Variants in VPS13D observed in about 807,000 individuals in gnomAD.
The protein encoded by VPS13D is vacuolar protein sorting 13 homolog D.
In VPS13D, 187 loss-of-function variants were observed where a neutral mutation model predicts 461.9. The observed-to-expected ratio is 0.40, with a 90% CI of 0.36 to 0.46. The LOEUF is 0.46. Among genes scored for constraint, VPS13D ranks in the 20% least tolerant of loss-of-function variants. The pLI, the probability that VPS13D is intolerant of heterozygous loss-of-function variation, is 0.60. For synonymous variants in VPS13D, 1,951 were observed against 1,986.3 expected (o/e 0.98, Z 0.47); for missense variants, 4,711 against 5,364.9 (o/e 0.88, Z 3.81).
chr1:12,377,845 T>G (rs1325429899), intron 55 of VPS13D, among the ~76,000 whole-genome samples: 3 of 148,262 alleles, frequency 2.0e-5, no homozygotes, highest in Non-Finnish European at 4.5e-5. Flanking sequence ...AAAAAAAGAA[T>G]TACTAGCAAT....
intron 32 of VPS13D, 26 bp from the exon 33 acceptor site, chr1:12,321,783 T>C (rs1431101153): frequency 1.3e-6 from 2 of 1,583,994 alleles, no homozygotes; most frequent in Admixed American, 1.9e-5. Context: ...ACATTAATTC[T>C]CGCCATATTG....
chr1:12,425,123 G>T (rs1644908106), intron 65 of VPS13D, among the ~76,000 whole-genome samples: 1 of 152,028 alleles, frequency 6.6e-6, no homozygotes, highest in African/African-American at 2.4e-5. Flanking sequence ...TGTTTGGAAG[G>T]TTCTTTCTAA....
chr1:12,471,380 T>C (rs1645560634), intron 67 of VPS13D, among the ~76,000 whole-genome samples: 1 of 152,222 alleles, frequency 6.6e-6, no homozygotes, highest in African/African-American at 2.4e-5. Context: ...ATCTTTCAAA[T>C]TAGATTTTAT....
rs1408987203 is a variant in VPS13D at position 12,495,837 on chromosome 1, T to G, written c.12663-1663T>G. Among the ~76,000 whole-genome samples the G allele has an allele frequency of 6.6e-6, 1 of 152,188 alleles. No homozygotes were observed. Among genetic ancestry groups the G allele is most frequent in the Non-Finnish European group, 1.5e-5 (1 of 68,032 alleles). ...TAGCCTGTGTAGGCAGTTATTGGAA[T>G]GACAGCAAGTGCTTTGCTAGGCAAG... On this transcript the variant is annotated intron_variant, in intron 67 of 69. Coordinates refer to ENST00000620676, the MANE Select transcript of VPS13D (RefSeq NM_015378.4). This position sits in a 1 kb window ranked among gnomAD's most constrained non-coding sequence, Gnocchi z 4.0.
intron 65 of VPS13D, among the ~76,000 whole-genome samples, chr1:12,444,409 A>G (rs1645168150): frequency 6.6e-6 from 1 of 152,144 alleles, no homozygotes; most frequent in Non-Finnish European, 1.5e-5. Flanking sequence ...TTTGCAGTGA[A>G]GTCTTTGGAC....
intron 64 of VPS13D, among the ~76,000 whole-genome samples, chr1:12,415,513 A>G (rs1003042787): frequency 1.2e-4 from 19 of 152,136 alleles, no homozygotes; most frequent in African/African-American, 4.3e-4. Context: ...TAATAACAAA[A>G]TAATGTTTTT....
chr1:12,259,157 T>C (rs1161718785), intron 10 of VPS13D, among the ~76,000 whole-genome samples: 1 of 151,550 alleles, frequency 6.6e-6, no homozygotes, highest in Non-Finnish European at 1.5e-5. Flanking sequence ...TTCTCCCAAC[T>C]CAGCCTTCCA....
chr1:12,317,183 AAAG>A (rs770516820), intron 30 of VPS13D, among the ~76,000 whole-genome samples: 38 of 152,198 alleles, frequency 2.5e-4, no homozygotes, highest in Non-Finnish European at 4.8e-4. Context: ...CCTAGACGTC[AAAG>A]AAGGAGTGCC....
intron 2 of VPS13D, among the ~76,000 whole-genome samples, chr1:12,240,834 G>A (rs1640329840): frequency 1.2e-5 from 1 of 84,670 alleles, no homozygotes; most frequent in Admixed American, 1.8e-4. Flanking sequence ...GGGGGGTGGG[G>A]CATGGCCCAT....
At chr1:12,494,200 G>C (rs1401603384) in intron 67 of VPS13D, among the ~76,000 whole-genome samples, 2 of 152,186 alleles carry the variant, frequency 1.3e-5, no homozygotes. Context: ...AAGAACCCTG[G>C]AAATGGGAAG....
At chr1:12,378,280 G>C (rs952385300) in intron 55 of VPS13D, 148 bp from the exon 56 acceptor site, 18 of 619,276 alleles carry the variant, frequency 2.9e-5, no homozygotes, top group Non-Finnish European at 3.8e-5. Flanking sequence ...ATGAAAGTTT[G>C]AATTAAGCAT....
At position 12,388,343 on chromosome 1, in the gene VPS13D, G is replaced by A. The variant is rs188920142; in HGVS notation, c.11634+2009G>A. 6.6e-3 allele frequency among the ~76,000 whole-genome samples: 1,007 copies of A among 152,328 alleles called. 53 individuals are homozygous for A. Among genetic ancestry groups the A allele is most frequent in the Admixed American group, 0.063 (960 of 15,312 alleles). Reference sequence around the variant, plus strand: ...TAATCCCAGCACTTTGGGAAGCTAAGGCAGGTGGATCACTTGAGGTCAGGA... The same window carrying A: ...TAATCCCAGCACTTTGGGAAGCTAAAGCAGGTGGATCACTTGAGGTCAGGA... On this transcript the variant is annotated intron_variant, in intron 60 of 69. Coordinates refer to ENST00000620676, the MANE Select transcript of VPS13D (RefSeq NM_015378.4).
rs80029620 is a variant in VPS13D at position 12,265,176 on chromosome 1, C to T, written c.1595-1705C>T. 9.8e-3 allele frequency among the ~76,000 whole-genome samples: 1,497 copies of T among 152,296 alleles called. 29 individuals carry two copies. The highest frequency in any genetic ancestry group is 0.033 in the African/African-American group (1,360 of 41,542). ...TGCTCGTGGATAATGCATCCAGTCA[C>T]TCAAGAGCTCTGCTGGGAGAAGTAT... On this transcript the variant is annotated intron_variant, in intron 13 of 69. Transcript: ENST00000620676.
Position 12,293,544 on chromosome 1 carries a change from T to C in VPS13D, c.5873T>C (p.Leu1958Pro). The change falls in exon 24 of 70, where the codon CTG (leucine) becomes CCG (proline). Residue 1958 changes from leucine to proline, a missense_variant. This residue lies in a region of VPS13D where 4,411 missense variants were observed against 4,937.8 expected (regional missense o/e 0.89). Transcript: ENST00000620676. ...QTFKYGRPDP[L>P]LRREHDIRVS... The stretch of plus-strand genomic sequence containing the variant: ...TTTAGATACGGACGGCCTGACCCTC[T>C]GCTCCGGAGAGAACACGACATTCGC... 1 of 1,608,792 alleles carries C rather than the reference T, an allele frequency of 6.2e-7. No homozygotes were observed. The highest frequency in any genetic ancestry group is 8.5e-7 in the Non-Finnish European group (1 of 1,176,926).
At chr1:12,296,245 G>A (rs1396769052) in intron 24 of VPS13D, among the ~76,000 whole-genome samples, 2 of 152,088 alleles carry the variant, frequency 1.3e-5, no homozygotes, top group African/African-American at 4.8e-5. Context: ...AAGCCAGATC[G>A]TTTTCCAAAA....
rs1044223952 is a variant in VPS13D, at chr1:12,436,183, G to T, written c.12333+19356G>T. On this transcript the variant is annotated intron_variant, in intron 65 of 69. Transcript: ENST00000620676. ...GAGGAGGACTTGCAGTCACACACAT[G>T]TGGGAAAGTGTTCCAGGTTTGAGTT... 3.9e-5 allele frequency among the ~76,000 whole-genome samples: 6 copies of T among 152,352 alleles called. No individual in the cohort carries two copies. In the East Asian group the frequency reaches 9.6e-4, roughly 24 times the overall value.
chr1:12,247,914 G>A (rs1640611714), intron 5 of VPS13D, among the ~76,000 whole-genome samples: 2 of 144,334 alleles, frequency 1.4e-5, no homozygotes, highest in South Asian at 4.4e-4. Flanking sequence ...AGACAGTGTT[G>A]CTCTGTTGCC....
At chr1:12,375,959 G>A (rs1644193133) in intron 55 of VPS13D, among the ~76,000 whole-genome samples, 1 of 152,192 alleles carries the variant, frequency 6.6e-6, no homozygotes, top group African/African-American at 2.4e-5. Context: ...ACTGGAAGGA[G>A]AATGGTGCAT....
Position 12,379,552 on chromosome 1 carries a change from C to G in VPS13D, c.11146C>G (p.Arg3716Gly). 6.2e-7 allele frequency: 1 copy of G among 1,613,418 alleles called. No individual in the cohort carries two copies. Among genetic ancestry groups the G allele is most frequent in the Non-Finnish European group, 8.5e-7 (1 of 1,179,742 alleles). The change falls in exon 57 of 70, where the codon CGA becomes GGA. Residue 3716 changes from arginine (R) to glycine (G), a missense_variant. By Grantham distance (125) the Arg-to-Gly change is moderately radical (BLOSUM62 -2). Around this residue, in one of 3 missense-constraint regions of VPS13D, gnomAD observed 4,411 missense variants for 4,937.8 expected, o/e 0.89. Transcript: ENST00000620676. ...RRSTTQTWSF[R>G]EGKLTCGLHG... ...AAGCACAACTCAGACGTGGAGTTTCCGAGAAGGAAAACTGACCTGTGGGTT... is the reference window on the plus strand; with the variant it reads ...AAGCACAACTCAGACGTGGAGTTTCGGAGAAGGAAAACTGACCTGTGGGTT...
Sources: gnomAD v4.1 joint callset for allele counts (sites outside exome capture counted in the v4.1 genomes callset) on GRCh38, gnomAD v4.1.1 for gene constraint, gnomAD v4.1.1 regional missense constraint, Gnocchi (gnomAD v3.1) non-coding constraint, MANE v1.5 for transcripts, NCBI Gene and HGNC (gene_info 2026-07-23, HGNC 2026-07-21) for gene names.